AGBL1: variants seen among roughly 807,000 people sequenced by gnomAD.
AGBL1 encodes cytosolic carboxypeptidase 4.
AGBL1 carries 130 observed loss-of-function variants against 118.9 expected under a neutral mutation model. The ratio of observed to expected loss-of-function variants is 1.09; its 90% CI spans 0.95 to 1.26. AGBL1 has a LOEUF of 1.26. Among genes scored for constraint, AGBL1 ranks in the 50% most tolerant of loss-of-function variants. The pLI, the probability that AGBL1 is intolerant of heterozygous loss-of-function variation, is 0.00. For synonymous variants in AGBL1, 555 were observed against 478.9 expected (o/e 1.16, Z -2.08); for missense variants, 1,584 against 1,298.1 (o/e 1.22, Z -3.38).
chr15:86,554,621 C>G (rs1018920412), intron 21 of AGBL1, 84 bp downstream of exon 21: 117 of 1,298,054 alleles, frequency 9.0e-5, no homozygotes, highest in Admixed American at 1.6e-4. Context: ...GCTTTCTCAC[C>G]TAAAAGGGGA....
chr15:86,488,132 G>C (rs2082734937), intron 18 of AGBL1, among the ~76,000 whole-genome samples: 1 of 152,002 alleles, frequency 6.6e-6, no homozygotes, highest in African/African-American at 2.4e-5. Flanking sequence ...GGAAGTTGAT[G>C]GCAACCCAGC....
intron 22 of AGBL1, among the ~76,000 whole-genome samples, chr15:86,867,930 T>G (rs2079656269): frequency 6.6e-6 from 1 of 152,184 alleles, no homozygotes; most frequent in South Asian, 2.1e-4. Flanking sequence ...TAATAGGGAA[T>G]AAAGGAAATA....
At position 86,436,108 on chromosome 15, in the gene AGBL1, T is replaced by C. The variant is rs2081997561; in HGVS notation, c.2555+38562T>C. Among the ~76,000 whole-genome samples the C allele has an allele frequency of 3.7e-5, 4 of 107,682 alleles. No homozygotes were observed. The South Asian group carries it at 1.2e-3, about 33-fold the overall frequency. The allele number at this position is 107,682 out of a possible 152,430, so 70.6% of individuals were successfully genotyped here. A position where few individuals can be genotyped will look rare whatever the true frequency, so the allele number is the denominator to read the frequency against. On this transcript the variant is annotated intron_variant, in intron 18 of 22. Coordinates refer to ENST00000614907, the MANE Select transcript of AGBL1 (RefSeq NM_001386094.1). ...TCCTCTCTTTTTTTTTTTTTTTTTT[T>C]TGTCCCATTTCTTAGTGAAATCCTC...
At chr15:86,808,045 G>A (rs889732052) in intron 22 of AGBL1, among the ~76,000 whole-genome samples, 5 of 152,036 alleles carry the variant, frequency 3.3e-5, no homozygotes, top group Non-Finnish European at 7.4e-5. Context: ...ATGAGTTAGA[G>A]GAGGATTAAA....
intron 22 of AGBL1, among the ~76,000 whole-genome samples, chr15:86,696,942 T>C (rs1015100699): frequency 2.6e-5 from 4 of 152,056 alleles, no homozygotes; most frequent in African/African-American, 9.7e-5. Context: ...CCTTTTTAGC[T>C]TGTAGGGTTT....
At chr15:86,365,090 ATTGAT>A (rs2080868380) in intron 17 of AGBL1, among the ~76,000 whole-genome samples, 1 of 149,430 alleles carries the variant, frequency 6.7e-6, no homozygotes, top group Non-Finnish European at 1.5e-5. Context: ...CATATATATA[ATTGAT>A]TTATTTACAT....
intron 21 of AGBL1, among the ~76,000 whole-genome samples, chr15:86,583,703 C>G (rs971591383): frequency 6.6e-6 from 1 of 152,042 alleles, no homozygotes; most frequent in African/African-American, 2.4e-5. Flanking sequence ...TGAGTATGTA[C>G]CCAGTAATGG....
At chr15:86,427,267 G>T (rs1052199820) in intron 18 of AGBL1, among the ~76,000 whole-genome samples, 25 of 152,124 alleles carry the variant, frequency 1.6e-4, no homozygotes, top group African/African-American at 6.0e-4. Flanking sequence ...TAAGGGTGAC[G>T]ACAAATGTGC....
At chr15:86,355,345 G>A (rs574434035) in intron 17 of AGBL1, among the ~76,000 whole-genome samples, 8 of 152,188 alleles carry the variant, frequency 5.3e-5, no homozygotes, top group Admixed American at 2.0e-4. Context: ...ATGGTTCATC[G>A]GTCAGGTATA....
chr15:86,198,853 A>G (rs1330998073), intron 5 of AGBL1, among the ~76,000 whole-genome samples: 1 of 152,216 alleles, frequency 6.6e-6, no homozygotes, highest in Non-Finnish European at 1.5e-5. Flanking sequence ...CTATTGCTTA[A>G]GCCACCTAGT....
In AGBL1 at chr15:86,400,270, A is replaced by G. The variant is rs1204198196; in HGVS notation, c.2555+2724A>G. 3.9e-5 allele frequency among the ~76,000 whole-genome samples: 6 copies of G among 152,078 alleles called. No individual in the cohort carries two copies. In the East Asian group the frequency reaches 1.2e-3, roughly 29 times the overall value. ...AATCATTCCTCCCTTAGGATATCCC[A>G]TGGATAAAATCTAATCCCCCTCATC... On this transcript the variant is annotated intron_variant, in intron 18 of 22. Transcript: ENST00000614907.
chr15:86,668,811 G>A (rs2085691226), intron 21 of AGBL1, among the ~76,000 whole-genome samples: 1 of 152,134 alleles, frequency 6.6e-6, no homozygotes, highest in African/African-American at 2.4e-5. Flanking sequence ...TAGTAAGACC[G>A]CAATCTGCAA....
intron 17 of AGBL1, among the ~76,000 whole-genome samples, chr15:86,381,716 G>GC (rs1184918807): frequency 2.6e-5 from 4 of 152,170 alleles, no homozygotes; most frequent in African/African-American, 9.7e-5. Context: ...GTCCAAGGGA[G>GC]CTGGTCAAGA....
chr15:86,099,610 G>T (rs1896588831), intron 1 of AGBL1, among the ~76,000 whole-genome samples: 1 of 151,222 alleles, frequency 6.6e-6, no homozygotes, highest in South Asian at 2.1e-4. Flanking sequence ...TGCGATCTTG[G>T]CTCACTGCAA....
intron 1 of AGBL1, among the ~76,000 whole-genome samples, chr15:86,117,664 T>A (rs976598469): frequency 1.3e-5 from 2 of 152,234 alleles, no homozygotes; most frequent in African/African-American, 2.4e-5. Context: ...TTCAAAACTC[T>A]TCTTGACCTG....
chr15:86,691,133 G>A (rs1319434324), intron 22 of AGBL1, among the ~76,000 whole-genome samples: 5 of 152,082 alleles, frequency 3.3e-5, no homozygotes, highest in Admixed American at 2.0e-4. Flanking sequence ...TGATATGGAA[G>A]CAAAATTGTT....
chr15:86,249,016 G>C (rs1211694411), intron 7 of AGBL1, among the ~76,000 whole-genome samples: 1 of 152,118 alleles, frequency 6.6e-6, no homozygotes, highest in Non-Finnish European at 1.5e-5. Flanking sequence ...CTACTTATCA[G>C]CACCCCACTG....
chr15:86,838,542 T>G (rs894106976), intron 22 of AGBL1, among the ~76,000 whole-genome samples: 14 of 152,180 alleles, frequency 9.2e-5, no homozygotes, highest in African/African-American at 3.4e-4. Context: ...TTCACCATGA[T>G]CTAAGGCTGG....
intron 23 of AGBL1, among the ~76,000 whole-genome samples, chr15:86,922,805 T>C (rs2080493890): frequency 6.6e-6 from 1 of 152,154 alleles, no homozygotes; most frequent in Non-Finnish European, 1.5e-5. Flanking sequence ...TGAAGCGATT[T>C]CTAGGGAGCA....
Sources: gnomAD v4.1 joint callset for allele counts (sites outside exome capture counted in the v4.1 genomes callset) on GRCh38, gnomAD v4.1.1 for gene constraint, MANE v1.5 for transcripts, NCBI Gene and HGNC (gene_info 2026-07-23, HGNC 2026-07-21) for gene names.